Variants in SMG1 observed in about 807,000 individuals in gnomAD.
SMG1 encodes SMG1 nonsense mediated mRNA decay associated PI3K related kinase, also known as serine/threonine-protein kinase SMG1.
SMG1 carries 22 observed loss-of-function variants against 419.9 expected under a neutral mutation model. The observed-to-expected ratio is 0.05, with a 90% CI of 0.04 to 0.07. The LOEUF is 0.07. Ranked by LOEUF, SMG1 falls within the 10% of genes least tolerant of loss-of-function variation. The pLI is 1.00. For synonymous variants in SMG1, 1,538 were observed against 1,553.5 expected (o/e 0.99, Z 0.23); for missense variants, 3,185 against 4,342.0 (o/e 0.73, Z 7.49).
At chr16:18,885,690 C>G (rs753203710) in intron 6 of SMG1, 24 bp from the exon 7 acceptor site, 1 of 1,594,122 alleles carries the variant, frequency 6.3e-7, no homozygotes. Context: ...AGTTACAAAC[C>G]GTGAACATTC....
chr16:18,848,746 G>A (rs1168099867), intron 36 of SMG1, among the ~76,000 whole-genome samples: 1 of 151,938 alleles, frequency 6.6e-6, no homozygotes. Flanking sequence ...ATACATAGTA[G>A]TTACTCCCTC....
intron 10 of SMG1, among the ~76,000 whole-genome samples, chr16:18,880,535 A>C (rs566392970): frequency 8.4e-4 from 128 of 152,130 alleles, no homozygotes; most frequent in African/African-American, 2.9e-3. Flanking sequence ...CAACATAACA[A>C]CACCTCATCT....
chr16:18,828,291 G>T, intron 54 of SMG1, 123 bp from the exon 55 acceptor site: 1 of 845,306 alleles, frequency 1.2e-6, no homozygotes, highest in Non-Finnish European at 1.8e-6. Flanking sequence ...GCCAATGGGA[G>T]GTAAGCAGGG....
At chr16:18,899,176 C>T (rs1436222603) in intron 1 of SMG1, among the ~76,000 whole-genome samples, 3 of 152,080 alleles carry the variant, frequency 2.0e-5, no homozygotes, top group African/African-American at 7.2e-5. Flanking sequence ...TATAGAGCAA[C>T]TTAAATACTT....
rs560248662 is a variant in SMG1, at chr16:18,816,602, C to A, written c.10075-73G>T. ...TGAGTTCTTTCTTCATTAACATCAT[C>A]AAAAGATATTAGTAACTCAAGCTGA... On this transcript the variant is annotated intron_variant, in intron 57 of 62. Coordinates refer to ENST00000446231, the MANE Select transcript of SMG1 (RefSeq NM_015092.5). 1.6e-5 allele frequency: 20 copies of A among 1,253,222 alleles called. No homozygotes were observed. In the South Asian group the frequency reaches 2.5e-4, roughly 16 times the overall value. 77.6% of individuals were successfully genotyped at this position (1,253,222 alleles called of 1,614,324 possible). A position where few individuals can be genotyped will look rare whatever the true frequency, so the allele number is the denominator to read the frequency against.
chr16:18,922,349 C>T (rs2038229547), intron 1 of SMG1, among the ~76,000 whole-genome samples: 1 of 152,158 alleles, frequency 6.6e-6, no homozygotes, highest in Non-Finnish European at 1.5e-5. Flanking sequence ...GAAGCCACCA[C>T]CCCTGTTTCT....
At chr16:18,811,889 CG>C (rs1567306971) in intron 61 of SMG1, 22 bp from the exon 62 acceptor site, 4 of 1,613,396 alleles carry the variant, frequency 2.5e-6, no homozygotes, top group Admixed American at 1.7e-5. Flanking sequence ...CAAAAACATA[CG>C]TAAGTCAAAC....
chr16:18,895,833 G>A (rs1173309241), intron 3 of SMG1, among the ~76,000 whole-genome samples: 1 of 152,120 alleles, frequency 6.6e-6, no homozygotes, highest in Non-Finnish European at 1.5e-5. Context: ...AACCTTTTCT[G>A]TAAGATCTTA....
rs192541756 is a variant in SMG1 at position 18,814,480 on chromosome 16, C to G, written c.10621+695G>C. Among the ~76,000 whole-genome samples, 311 of 151,994 alleles carry G rather than the reference C, an allele frequency of 2.0e-3. 2 individuals carry two copies. Among genetic ancestry groups the G allele is most frequent in the African/African-American group, 7.2e-3 (298 of 41,462 alleles). ...TGCCACTGCACTCCAGCCTGGGCGA[C>G]AAGAGACAGTTTTGAGACTCCGCCT... On this transcript the variant is annotated intron_variant, in intron 60 of 62. Transcript: ENST00000446231.
intron 1 of SMG1, among the ~76,000 whole-genome samples, chr16:18,910,795 A>G (rs1272844516): frequency 6.6e-6 from 1 of 152,110 alleles, no homozygotes; most frequent in Non-Finnish European, 1.5e-5. Context: ...ACAACCTTTC[A>G]ATGTTTCTGG....
rs2030902930 is a variant in SMG1, at chr16:18,807,066, A to G, written c.*2503T>C. On this transcript the variant is annotated 3_prime_UTR_variant, in exon 63 of 63. Coordinates refer to ENST00000446231, the MANE Select transcript of SMG1 (RefSeq NM_015092.5). ...CTTGGAGGGACCACTTTAAAACAAA[A>G]GTGATGGATAATTTACCAGAGGCAC... 1.3e-5 allele frequency: 2 copies of G among 152,204 alleles called. No homozygotes were observed. The highest frequency in any genetic ancestry group is 6.5e-5 in the Admixed American group (1 of 15,282). 9.4% of individuals were successfully genotyped at this position (152,204 alleles called of 1,614,324 possible).
chr16:18,884,926 G>A (rs990021607), intron 8 of SMG1, 164 bp downstream of exon 8: 3 of 612,524 alleles, frequency 4.9e-6, no homozygotes, highest in African/African-American at 3.7e-5. Context: ...AATTTCCTCT[G>A]AAAATACATA....
intron 1 of SMG1, among the ~76,000 whole-genome samples, chr16:18,910,693 A>G (rs2037758237): frequency 1.3e-5 from 2 of 152,102 alleles, no homozygotes; most frequent in African/African-American, 4.8e-5. Context: ...ATACATTCTT[A>G]TAATGATATG....
rs2030911536 is a variant in SMG1 at position 18,807,155 on chromosome 16, C to T, written c.*2414G>A. 6.6e-6 allele frequency: 1 copy of T among 152,250 alleles called. No homozygotes were observed. Among genetic ancestry groups the T allele is most frequent in the African/African-American group, 2.4e-5 (1 of 41,562 alleles). The allele number at this position is 152,250 out of a possible 1,614,324, so 9.4% of individuals were successfully genotyped here. ...GTAAGGTGCCAGGTACCTCTGAAGC[C>T]TGAAAACACAGGCAATAAAATTCAC... On this transcript the variant is annotated 3_prime_UTR_variant, in exon 63 of 63. Coordinates refer to ENST00000446231, the MANE Select transcript of SMG1 (RefSeq NM_015092.5).
chr16:18,861,520 TG>T (rs1397044916), intron 25 of SMG1: 2 of 152,146 alleles, frequency 1.3e-5, no homozygotes, highest in Non-Finnish European at 2.9e-5. Flanking sequence ...TCCCTCTCGC[TG>T]TGTAACTTCC....
Position 18,886,853 on chromosome 16 carries a change from T to C in SMG1, c.823-1187A>G, listed in dbSNP as rs1424114477. Among the ~76,000 whole-genome samples, 5 of 152,274 alleles carry C rather than the reference T, an allele frequency of 3.3e-5. No individual in the cohort carries two copies. The East Asian group carries it at 9.6e-4, about 29-fold the overall frequency. On this transcript the variant is annotated intron_variant, in intron 6 of 62. Coordinates refer to ENST00000446231, the MANE Select transcript of SMG1 (RefSeq NM_015092.5). ...TATTTTGCAATAGCCAATGTTATAA[T>C]CTACACAGGCACAGACTATCAATGC...
At chr16:18,829,204 T>A (rs994454459) in intron 54 of SMG1, 82 bp downstream of exon 54, 1 of 1,222,766 alleles carries the variant, frequency 8.2e-7, no homozygotes, top group Non-Finnish European at 1.1e-6. Context: ...AAAAAATTTC[T>A]GTGTATTGTT....
intron 1 of SMG1, among the ~76,000 whole-genome samples, chr16:18,919,991 T>A (rs1234188910): frequency 2.0e-5 from 3 of 151,714 alleles, no homozygotes; most frequent in Admixed American, 2.0e-4. Context: ...CTCGGGAGGC[T>A]GAGGCACGTG....
At chr16:18,840,139 C>T (rs916586071) in intron 41 of SMG1, among the ~76,000 whole-genome samples, 193 bp from the exon 42 acceptor site, 2 of 151,878 alleles carry the variant, frequency 1.3e-5, no homozygotes, top group Non-Finnish European at 2.9e-5. Context: ...TGATATATAC[C>T]TTTTAATTAG....
Sources: gnomAD v4.1 joint callset for allele counts (sites outside exome capture counted in the v4.1 genomes callset) on GRCh38, gnomAD v4.1.1 for gene constraint, MANE v1.5 for transcripts, NCBI Gene and HGNC (gene_info 2026-07-23, HGNC 2026-07-21) for gene names.